Variants in RPS3 observed in about 807,000 individuals in gnomAD.
The protein encoded by RPS3 is ribosomal protein S3, also known as small ribosomal subunit protein uS3.
In RPS3, 2 loss-of-function variants were observed where a neutral mutation model predicts 25.8. The observed-to-expected ratio is 0.08, with a 90% CI of 0.03 to 0.24. The LOEUF is 0.24. RPS3 is among the 10% of genes least tolerant of loss of function. RPS3 has a pLI of 1.00. For synonymous variants in RPS3, 114 were observed against 114.2 expected (o/e 1.00, Z 0.01); for missense variants, 107 against 307.1 (o/e 0.35, Z 4.87).
chr11:75,411,484 G>C (rs951502879), downstream of RPS3, among the ~76,000 whole-genome samples: 1 of 152,042 alleles, frequency 6.6e-6, no homozygotes, highest in African/African-American at 2.4e-5. Flanking sequence ...CCACCTCCTG[G>C]CTTCACGACA....
chr11:75,415,975 CAAAAAAAAA>C (rs34006322), intron 6 of RPS3, among the ~76,000 whole-genome samples: 1 of 54,822 alleles, frequency 1.8e-5, no homozygotes, highest in African/African-American at 5.7e-5. Context: ...GATACTCTGT[CAAAAAAAAA>C]AAAAAAAAAA....
Position 75,404,526 on chromosome 11 carries a change from T to C in RPS3, c.539-146T>C. ...TGCACGAGTTCCTTTGGCAGAAGTGTCCTATTTATTGATCGATTTAGAGGC... is the reference window on the plus strand; with the variant it reads ...TGCACGAGTTCCTTTGGCAGAAGTGCCCTATTTATTGATCGATTTAGAGGC... On this transcript the variant is annotated intron_variant, in intron 5 of 6. Transcript: ENST00000531188. The surrounding 1 kb of genome is among the most constrained non-coding windows in gnomAD (Gnocchi z 4.6). The C allele has an allele frequency of 1.2e-6, 1 of 852,250 alleles. No individual in the cohort carries two copies. The highest frequency in any genetic ancestry group is 2.1e-6 in the Non-Finnish European group (1 of 484,914). The allele number at this position is 852,250 out of a possible 1,614,324, so 52.8% of individuals were successfully genotyped here.
intron 6 of RPS3, among the ~76,000 whole-genome samples, chr11:75,418,273 TC>T: frequency 6.6e-6 from 1 of 152,358 alleles, no homozygotes; most frequent in South Asian, 2.1e-4. Flanking sequence ...CATTTCAGTG[TC>T]CTAATTCTTA....
intron 6 of RPS3, among the ~76,000 whole-genome samples, chr11:75,415,927 G>A (rs1269239097): frequency 1.0e-4 from 14 of 138,882 alleles, no homozygotes; most frequent in African/African-American, 3.3e-4. Flanking sequence ...AGTGAGCCGC[G>A]ATCGTGCCAC....
chr11:75,414,350 G>C (rs557057566), intron 6 of RPS3, among the ~76,000 whole-genome samples: 1 of 152,334 alleles, frequency 6.6e-6, no homozygotes, highest in Admixed American at 6.5e-5. Context: ...CGTGGCTCAC[G>C]CCTGTAATCC....
downstream of RPS3, among the ~76,000 whole-genome samples, chr11:75,410,249 G>A (rs1338814009): frequency 6.7e-6 from 1 of 149,688 alleles, no homozygotes; most frequent in Non-Finnish European, 1.5e-5. Flanking sequence ...GCTGCTGGAC[G>A]GAGGGGCTCC....
At chr11:75,413,281 C>T (rs1948372332) in intron 6 of RPS3, among the ~76,000 whole-genome samples, 1 of 151,496 alleles carries the variant, frequency 6.6e-6, no homozygotes, top group Non-Finnish European at 1.5e-5. Flanking sequence ...CACTCTGTAG[C>T]CCAGGCTGGA....
chr11:75,411,786 G>C (rs547843548), downstream of RPS3, among the ~76,000 whole-genome samples: 2 of 152,366 alleles, frequency 1.3e-5, no homozygotes, highest in South Asian at 2.1e-4. Context: ...CAGGAGTGCT[G>C]TTCAGTAGAG....
At chr11:75,403,924 T>A in intron 4 of RPS3, 96 bp from the exon 5 acceptor site, 1 of 1,203,588 alleles carries the variant, frequency 8.3e-7, no homozygotes, top group South Asian at 1.5e-5. Flanking sequence ...TTATTCTCCA[T>A]TAAAGGAACA....
At chr11:75,420,055 G>A (rs1255228661) in intron 6 of RPS3, among the ~76,000 whole-genome samples, 1 of 152,216 alleles carries the variant, frequency 6.6e-6, no homozygotes, top group African/African-American at 2.4e-5. Flanking sequence ...CACGAGTGAA[G>A]TCTCTTATGT....
intron 6 of RPS3, among the ~76,000 whole-genome samples, chr11:75,413,745 G>A (rs1948376163): frequency 6.6e-6 from 1 of 152,188 alleles, no homozygotes; most frequent in South Asian, 2.1e-4. Context: ...AGGATTTTAG[G>A]GAAGACTCCC....
In RPS3 at chr11:75,404,603, C is replaced by CT; in HGVS notation, c.539-68dup. ...GGGGTGCTTGAGTAAACTGCTTGCT[C>CT]TCTTTGGTCTTGTGTGATGGGGGCC... On this transcript the variant is annotated intron_variant, in intron 5 of 6. Transcript: ENST00000531188. This position sits in a 1 kb window ranked among gnomAD's most constrained non-coding sequence, Gnocchi z 4.6. 6.7e-7 allele frequency: 1 copy of CT among 1,488,966 alleles called. No individual in the cohort carries two copies. Among genetic ancestry groups the CT allele is most frequent in the Non-Finnish European group, 9.4e-7 (1 of 1,069,090 alleles). The allele number at this position is 1,488,966 out of a possible 1,614,324, so 92.2% of individuals were successfully genotyped here.
chr11:75,417,552 G>C (rs1001775769), intron 6 of RPS3, among the ~76,000 whole-genome samples: 2 of 152,198 alleles, frequency 1.3e-5, no homozygotes, highest in South Asian at 2.1e-4. Flanking sequence ...AGCCGAGATC[G>C]CGCCACTGCA....
Position 75,404,876 on chromosome 11 carries a change from TGCAAGG to T in RPS3, c.*3+12_*3+17del, listed in dbSNP as rs1338184656. 18 of 1,577,218 alleles carry T rather than the reference TGCAAGG, an allele frequency of 1.1e-5. No homozygotes were observed. Among genetic ancestry groups the T allele is most frequent in the Non-Finnish European group, 1.6e-5 (18 of 1,157,382 alleles). ...GTCCCCACAGCATAACAGGTATGTC[TGCAAGG>T]GCAGGGGCCTCTTGGGGCATAATAG... On this transcript the variant is annotated intron_variant, in intron 6 of 6. Transcript: ENST00000531188. This position sits in a 1 kb window ranked among gnomAD's most constrained non-coding sequence, Gnocchi z 4.6.
chr11:75,408,807 A>T (rs2135062773), downstream of RPS3, among the ~76,000 whole-genome samples: 1 of 152,308 alleles, frequency 6.6e-6, no homozygotes, highest in Non-Finnish European at 1.5e-5. Context: ...AAGTGCTGGG[A>T]TTACAGGCGT....
intron 1 of RPS3, chr11:75,400,292 C>A: frequency 2.1e-6 from 1 of 480,272 alleles, no homozygotes; most frequent in Non-Finnish European, 4.2e-6. Flanking sequence ...ACTATCTATT[C>A]CTTAACAGTG....
At chr11:75,411,693 AAT>A (rs756491597), downstream of RPS3, among the ~76,000 whole-genome samples, 7 of 152,156 alleles carry the variant, frequency 4.6e-5, no homozygotes, top group Non-Finnish European at 1.0e-4. Flanking sequence ...CCCAGCCCTT[AAT>A]ATGTCTTAAG....
intron 2 of RPS3, 70 bp downstream of exon 2, chr11:75,400,894 T>C (rs1031308973): frequency 5.9e-6 from 9 of 1,517,986 alleles, no homozygotes; most frequent in South Asian, 1.2e-5. Context: ...TATTTATTTA[T>C]TTTTTTGAGA....
At chr11:75,410,255 GCTC>G (rs1458818971), downstream of RPS3, among the ~76,000 whole-genome samples, 1 of 149,686 alleles carries the variant, frequency 6.7e-6, no homozygotes, top group African/African-American at 2.5e-5. Context: ...GGACGGAGGG[GCTC>G]CTCACTTCTC....
Sources: gnomAD v4.1 joint callset for allele counts (sites outside exome capture counted in the v4.1 genomes callset) on GRCh38, gnomAD v4.1.1 for gene constraint, Gnocchi (gnomAD v3.1) non-coding constraint, MANE v1.5 for transcripts, NCBI Gene and HGNC (gene_info 2026-07-23, HGNC 2026-07-21) for gene names.